Variants in FBXL13 observed in about 807,000 individuals in gnomAD.
FBXL13 encodes the protein F-box and leucine rich repeat protein 13, also known as F-box and leucine-rich repeat protein 13.
FBXL13 carries 67 observed loss-of-function variants against 83.6 expected under a neutral mutation model. That is an observed-to-expected ratio of 0.80 (90% CI 0.66 to 0.98). The LOEUF (loss-of-function observed/expected upper bound fraction) is 0.98. Among genes scored for constraint, FBXL13 ranks in the 50% least tolerant of loss-of-function variants. FBXL13 has a pLI of 0.00. For missense variants in FBXL13, 822 were observed against 866.5 expected, an observed-to-expected ratio of 0.95 and a Z score of 0.64; for synonymous variants, 272 against 299.5, an observed-to-expected ratio of 0.91 and a Z score of 0.95.
At chr7:102,971,967 A>C (rs1176258550) in intron 6 of FBXL13, among the ~76,000 whole-genome samples, 1 of 151,620 alleles carries the variant, frequency 6.6e-6, no homozygotes, top group Admixed American at 6.6e-5. Context: ...CAGAGGTTGC[A>C]GTGAGCCAAG....
At chr7:102,857,692 T>C (rs1806231574) in intron 16 of FBXL13, 1 of 151,974 alleles carries the variant, frequency 6.6e-6, no homozygotes, top group African/African-American at 2.4e-5. Flanking sequence ...CAGGAAGACA[T>C]ACAAATAGTC....
intron 6 of FBXL13, among the ~76,000 whole-genome samples, chr7:103,019,742 T>C (rs1792892232): frequency 6.6e-6 from 1 of 152,224 alleles, no homozygotes; most frequent in Non-Finnish European, 1.5e-5. Context: ...GATAAATTCC[T>C]GGACACATAC....
At chr7:102,821,876 G>A (rs375227348) in intron 19 of FBXL13, among the ~76,000 whole-genome samples, 164 bp downstream of exon 20, 9 of 152,192 alleles carry the variant, frequency 5.9e-5, no homozygotes, top group African/African-American at 1.2e-4. Flanking sequence ...CACAAAGGCC[G>A]TTTTAGAACA....
At chr7:102,867,332 T>C (rs1748694913) in intron 16 of FBXL13, among the ~76,000 whole-genome samples, 1 of 151,812 alleles carries the variant, frequency 6.6e-6, no homozygotes, top group African/African-American at 2.4e-5. Context: ...CACTCTGGAC[T>C]AAGTGACACA....
At chr7:102,935,722 G>A (rs146251917) in intron 8 of FBXL13, among the ~76,000 whole-genome samples, 288 of 152,176 alleles carry the variant, frequency 1.9e-3, no homozygotes, top group Non-Finnish European at 3.2e-3. Context: ...CTACAATAAC[G>A]AACCATGTAA....
At chr7:103,064,432 A>T (rs79642215) in intron 1 of FBXL13, among the ~76,000 whole-genome samples, 3,161 of 152,288 alleles carry the variant, frequency 0.021, 112 homozygotes, top group African/African-American at 0.067. Flanking sequence ...GCAACTTGTA[A>T]ATGCCCAGTA....
At chr7:102,915,377 A>G (rs1815636345) in intron 10 of FBXL13, among the ~76,000 whole-genome samples, 1 of 152,172 alleles carries the variant, frequency 6.6e-6, no homozygotes, top group Non-Finnish European at 1.5e-5. Flanking sequence ...ATAGTAACAC[A>G]TTAACTATTT....
At chr7:102,888,389 A>T (rs943206715) in intron 11 of FBXL13, among the ~76,000 whole-genome samples, 3 of 152,214 alleles carry the variant, frequency 2.0e-5, no homozygotes, top group Non-Finnish European at 4.4e-5. Context: ...ATACAAAAAA[A>T]TTAGCCAGGC....
At chr7:103,047,405 T>C (rs1437919256) in intron 2 of FBXL13, among the ~76,000 whole-genome samples, 2 of 152,228 alleles carry the variant, frequency 1.3e-5, no homozygotes, top group African/African-American at 4.8e-5. Flanking sequence ...CAGTTGTTTC[T>C]CCAATTTAAA....
chr7:103,025,267 C>T (rs1420203791), intron 5 of FBXL13, 37 bp from the exon 7 acceptor site: 4 of 1,383,450 alleles, frequency 2.9e-6, no homozygotes, highest in Non-Finnish European at 4.0e-6. Context: ...CATGGAATTG[C>T]TGTAACGGTC....
chr7:102,820,776 C>A (rs1201811300), intron 19 of FBXL13, among the ~76,000 whole-genome samples: 1 of 152,166 alleles, frequency 6.6e-6, no homozygotes, highest in Non-Finnish European at 1.5e-5. Context: ...ATAACTAACT[C>A]ACTTCCATGA....
intron 8 of FBXL13, among the ~76,000 whole-genome samples, chr7:102,962,151 CA>C (rs1274677538): frequency 6.6e-6 from 1 of 150,840 alleles, no homozygotes; most frequent in Non-Finnish European, 1.5e-5. Flanking sequence ...AAAAAACAAA[CA>C]ACCCCATCAA....
chr7:103,056,788 T>G (rs1407790060), intron 1 of FBXL13, among the ~76,000 whole-genome samples: 1 of 152,100 alleles, frequency 6.6e-6, no homozygotes, highest in Non-Finnish European at 1.5e-5. Context: ...AGTGTAGAAG[T>G]GTTCCCTTTT....
At chr7:103,033,452 A>G (rs1402517684) in intron 2 of FBXL13, among the ~76,000 whole-genome samples, 3 of 152,198 alleles carry the variant, frequency 2.0e-5, no homozygotes, top group Admixed American at 6.5e-5. Flanking sequence ...TGAGTGTTAC[A>G]GTTCTTAAAG....
intron 8 of FBXL13, chr7:102,934,729 A>G: frequency 6.7e-7 from 1 of 1,483,822 alleles, no homozygotes; most frequent in Non-Finnish European, 9.1e-7. Context: ...ATAACTTGAA[A>G]TGCTCTTTGA....
intron 19 of FBXL13, among the ~76,000 whole-genome samples, chr7:102,816,725 C>T (rs1390923872): frequency 6.6e-6 from 1 of 152,184 alleles, no homozygotes; most frequent in Non-Finnish European, 1.5e-5. Flanking sequence ...AAATAGTGAA[C>T]ATAATGCCCA....
chr7:102,840,430 T>A (rs1466807061), intron 17 of FBXL13, among the ~76,000 whole-genome samples: 1 of 152,220 alleles, frequency 6.6e-6, no homozygotes, highest in South Asian at 2.1e-4. Context: ...TAGTCCAGGG[T>A]CCTCTGTGGG....
intron 10 of FBXL13, among the ~76,000 whole-genome samples, chr7:102,916,634 A>G (rs1210748540): frequency 1.3e-5 from 2 of 152,176 alleles, no homozygotes; most frequent in Non-Finnish European, 2.9e-5. Flanking sequence ...CATACTCTTT[A>G]TTCTGAATTT....
chr7:102,963,224 G>A (rs896617036), intron 8 of FBXL13, among the ~76,000 whole-genome samples: 1 of 151,354 alleles, frequency 6.6e-6, no homozygotes, highest in African/African-American at 2.4e-5. Flanking sequence ...GGCAGGCTGA[G>A]GCACGAAAAT....
Sources: allele counts gnomAD v4.1 joint callset (sites outside exome capture counted in the v4.1 genomes callset), GRCh38; gene constraint gnomAD v4.1.1; transcripts MANE v1.5; gene names NCBI Gene and HGNC (gene_info 2026-07-23, HGNC 2026-07-21).